The following CRB1 variants were observed in gnomAD, a reference collection of about 807,000 sequenced individuals.
CRB1 encodes the protein crumbs cell polarity complex component 1.
CRB1 carries 83 observed loss-of-function variants against 120.0 expected under a neutral mutation model. The ratio of observed to expected loss-of-function variants is 0.69; its 90% CI spans 0.58 to 0.83. CRB1 has a LOEUF of 0.83. Ranked by LOEUF, CRB1 falls within the 40% of genes least tolerant of loss-of-function variation. CRB1 has a pLI of 0.00. For synonymous variants in CRB1, 625 were observed against 612.5 expected, an observed-to-expected ratio of 1.02 and a Z score of -0.30; for missense variants, 1,699 against 1,687.6, an observed-to-expected ratio of 1.01 and a Z score of -0.12.
At chr1:197,240,106 A>G in the CRB1 span, among the ~76,000 whole-genome samples, 1 of 152,044 alleles carries the variant, frequency 6.6e-6, no homozygotes, top group African/African-American at 2.4e-5. Flanking sequence ...ATAATTTAGG[A>G]AACTCAAGAG....
the CRB1 span, among the ~76,000 whole-genome samples, chr1:197,237,042 G>A: frequency 5.9e-5 from 9 of 151,680 alleles, no homozygotes; most frequent in African/African-American, 2.2e-4. Flanking sequence ...CTCGGAATGA[G>A]TCTGCAAATA....
Position 197,427,901 on chromosome 1 carries a change from A to G in CRB1, c.2576A>G (p.Asn859Ser), listed in dbSNP as rs1286029958. 26 of 1,613,896 alleles carry G rather than the reference A, an allele frequency of 1.6e-5. No individual in the cohort carries two copies. The Middle Eastern group carries it at 6.6e-4, about 41-fold the overall frequency. Residue 859 changes from asparagine to serine, a missense_variant, in exon 7 of 12, where the codon AAC (asparagine) becomes AGC (serine). Transcript: ENST00000367400. ...TGTATCCAAGATGTAAGACTAAACAACCAAAATCTGGAATTCTTTCCAAAT... is the reference window on the plus strand; with the variant it reads ...TGTATCCAAGATGTAAGACTAAACAGCCAAAATCTGGAATTCTTTCCAAAT... ...KGCIQDVRLN[N>S]QNLEFFPNPT...
intron 6 of CRB1, chr1:197,422,752 T>C (rs1421643579): frequency 4.6e-5 from 7 of 152,130 alleles, no homozygotes; most frequent in African/African-American, 1.7e-4. Context: ...ATTGAAAAAG[T>C]CTGAGAGGTA....
chr1:197,250,240 G>A, the CRB1 span, among the ~76,000 whole-genome samples: 572 of 151,728 alleles, frequency 3.8e-3, 1 homozygote, highest in Non-Finnish European at 6.4e-3. Flanking sequence ...TGTGAGGCAG[G>A]GGAAAATCTT....
intron 5 of CRB1, among the ~76,000 whole-genome samples, chr1:197,376,102 A>C (rs1661632011): frequency 6.6e-6 from 1 of 152,160 alleles, no homozygotes; most frequent in Admixed American, 6.6e-5. Context: ...CTTGTTCACT[A>C]TCATTCTATT....
At chr1:197,428,881 C>G in intron 7 of CRB1, 2 of 1,319,820 alleles carry the variant, frequency 1.5e-6, no homozygotes. Flanking sequence ...AGTTCATGCT[C>G]TAATAAATTT....
chr1:197,455,956 G>T (rs1666264855), intron 11 of CRB1, among the ~76,000 whole-genome samples: 1 of 151,828 alleles, frequency 6.6e-6, no homozygotes, highest in Non-Finnish European at 1.5e-5. Context: ...AACCAAATAG[G>T]CTATTTGCAA....
chr1:197,410,201 C>CACTGCAAGCTGAAATATTTGATA (rs1377115670), intron 5 of CRB1, among the ~76,000 whole-genome samples: 1 of 152,134 alleles, frequency 6.6e-6, no homozygotes, highest in Non-Finnish European at 1.5e-5. Flanking sequence ...GATTCTATTC[C>CACTGCAAGCTGAAATATTTGATA]ACTGCAAGCT....
chr1:197,379,815 A>G (rs1032188992), intron 5 of CRB1, among the ~76,000 whole-genome samples: 1 of 152,184 alleles, frequency 6.6e-6, no homozygotes, highest in African/African-American at 2.4e-5. Flanking sequence ...AAGCTTTGGC[A>G]AACAGTGAAA....
At chr1:197,247,947 A>G in the CRB1 span, among the ~76,000 whole-genome samples, 2 of 152,020 alleles carry the variant, frequency 1.3e-5, no homozygotes, top group Admixed American at 6.6e-5. Context: ...AGAAACATAG[A>G]TATAGTATAC....
intron 5 of CRB1, among the ~76,000 whole-genome samples, chr1:197,378,033 C>A (rs920249966): frequency 6.6e-6 from 1 of 152,092 alleles, no homozygotes; most frequent in Non-Finnish European, 1.5e-5. Context: ...GTAGAGCTGC[C>A]CTTGCTGAGT....
At chr1:197,319,616 A>T (rs899940533) in intron 1 of CRB1, among the ~76,000 whole-genome samples, 23 of 152,066 alleles carry the variant, frequency 1.5e-4, no homozygotes, top group Non-Finnish European at 1.5e-5. Flanking sequence ...AGTGTAAACA[A>T]AATATTTAGG....
the CRB1 span, among the ~76,000 whole-genome samples, chr1:197,244,710 T>C: frequency 6.6e-6 from 1 of 152,040 alleles, no homozygotes; most frequent in African/African-American, 2.4e-5. Flanking sequence ...TTTTTCCAAA[T>C]TGTGATGCTT....
At chr1:197,475,886 T>C (rs1667174674) in intron 11 of CRB1, among the ~76,000 whole-genome samples, 1 of 152,188 alleles carries the variant, frequency 6.6e-6, no homozygotes, top group South Asian at 2.1e-4. Context: ...TAAGGACTTT[T>C]ATGTCTTCTT....
At chr1:197,233,735 T>C in the CRB1 span, among the ~76,000 whole-genome samples, 1 of 152,222 alleles carries the variant, frequency 6.6e-6, no homozygotes, top group Non-Finnish European at 1.5e-5. Context: ...GCTGTTGACT[T>C]ATTCAAGGTC....
intron 5 of CRB1, among the ~76,000 whole-genome samples, chr1:197,412,802 A>C (rs1003691984): frequency 3.9e-5 from 6 of 152,228 alleles, no homozygotes; most frequent in African/African-American, 1.4e-4. Context: ...TTGATAAATA[A>C]GTTTTAAATA....
At chr1:197,201,684 A>G in the CRB1 span, among the ~76,000 whole-genome samples, 1 of 152,182 alleles carries the variant, frequency 6.6e-6, no homozygotes, top group Non-Finnish European at 1.5e-5. Flanking sequence ...AATGGATTTC[A>G]TCCTCACTGG....
rs571360703 is a variant in CRB1, at chr1:197,303,126, T to G, written c.71-25296T>G. Among the ~76,000 whole-genome samples, 48 of 151,796 alleles carry G rather than the reference T, an allele frequency of 3.2e-4. No homozygotes were observed. The South Asian group carries it at 9.8e-3, about 31-fold the overall frequency. On this transcript the variant is annotated intron_variant, in intron 1 of 11. Transcript: ENST00000367400. The stretch of plus-strand genomic sequence containing the variant: ...TTATTCTTTTATTTATTTATTTATT[T>G]ATTTATTATTTTATTATTATTATAC...
intron 11 of CRB1, among the ~76,000 whole-genome samples, chr1:197,467,248 T>C (rs537640569): frequency 6.6e-6 from 1 of 152,336 alleles, no homozygotes; most frequent in African/African-American, 2.4e-5. Context: ...TTACAACTAA[T>C]GCGTGTAACT....
Sources: allele counts gnomAD v4.1 joint callset (sites outside exome capture counted in the v4.1 genomes callset), GRCh38; gene constraint gnomAD v4.1.1; transcripts MANE v1.5; gene names NCBI Gene and HGNC (gene_info 2026-07-23, HGNC 2026-07-21).